SDK2: variants seen among roughly 807,000 people sequenced by gnomAD.
SDK2 encodes the protein protein sidekick-2.
A neutral mutation model predicts 253.9 loss-of-function variants in SDK2; 105 were observed. That is an observed-to-expected ratio of 0.41 (90% confidence interval 0.35 to 0.49). The LOEUF is 0.49. Ranked by LOEUF, SDK2 falls within the 20% of genes least tolerant of loss-of-function variation. SDK2 has a pLI of 0.06. For missense variants in SDK2, 2,608 were observed against 3,003.0 expected (o/e 0.87, Z 3.07); for synonymous variants, 1,249 against 1,234.9 (o/e 1.01, Z -0.24).
Position 73,401,050 on chromosome 17 carries a change from C to T in SDK2, c.2941G>A (p.Ala981Thr), listed in dbSNP as rs867814181. ...MTSKGQGQVSASTISSGVPPE... is the reference protein window; with the variant it reads ...MTSKGQGQVSTSTISSGVPPE... The stretch of plus-strand genomic sequence containing the variant: ...GGCACCCCAGAGGAGATGGTGGAGG[C>T]GGACACTTGGCCCTGGCCCTTTGAG... Residue 981 changes from alanine to threonine, a missense_variant, in exon 21 of 45, where the codon GCC becomes ACC. By Grantham distance (58) the Ala-to-Thr change is moderately conservative (BLOSUM62 0). Transcript: ENST00000392650. 30 of 1,577,828 alleles carry T rather than the reference C, an allele frequency of 1.9e-5. No individual in the cohort carries two copies. Among genetic ancestry groups the T allele is most frequent in the Middle Eastern group, 1.7e-4 (1 of 5,968 alleles).
intron 2 of SDK2, among the ~76,000 whole-genome samples, chr17:73,472,574 G>A (rs2063659951): frequency 6.6e-6 from 1 of 152,170 alleles, no homozygotes; most frequent in Admixed American, 6.5e-5. Flanking sequence ...AGAAAGGTGG[G>A]GGCATTTTTT....
chr17:73,349,397 G>A (rs1287829676), intron 43 of SDK2, among the ~76,000 whole-genome samples: 1 of 152,206 alleles, frequency 6.6e-6, no homozygotes, highest in Non-Finnish European at 1.5e-5. Flanking sequence ...CCTCCTGACT[G>A]CCGCCTCCAA....
intron 1 of SDK2, among the ~76,000 whole-genome samples, chr17:73,545,320 T>C (rs2044944149): frequency 1.3e-5 from 2 of 152,050 alleles, no homozygotes; most frequent in East Asian, 3.9e-4. Flanking sequence ...CCACCCCTAC[T>C]GTATGTGGTT....
intron 12 of SDK2, among the ~76,000 whole-genome samples, chr17:73,429,582 C>G (rs2145604545): frequency 6.6e-6 from 1 of 152,370 alleles, no homozygotes; most frequent in Admixed American, 6.5e-5. Flanking sequence ...CAGGACGCAG[C>G]TGCCTTCGGC....
chr17:73,610,840 C>CGT (rs143396100), intron 1 of SDK2, among the ~76,000 whole-genome samples: 339 of 148,748 alleles, frequency 2.3e-3, no homozygotes, highest in East Asian at 0.011. Flanking sequence ...TGTGCGTGTG[C>CGT]GTGTGTGTGT....
chr17:73,391,601 A>C (rs2062928926), intron 27 of SDK2, 63 bp from the exon 28 acceptor site: 1 of 915,464 alleles, frequency 1.1e-6, no homozygotes, highest in African/African-American at 1.7e-5. Flanking sequence ...GGATGAGCCC[A>C]GCTCGGGCAG....
intron 1 of SDK2, among the ~76,000 whole-genome samples, chr17:73,595,725 G>C (rs2045748141): frequency 6.6e-6 from 1 of 152,198 alleles, no homozygotes; most frequent in Admixed American, 6.5e-5. Flanking sequence ...GCAGTTTGGA[G>C]GGGGGCCTGG....
At chr17:73,582,826 C>G (rs1396964538) in intron 1 of SDK2, among the ~76,000 whole-genome samples, 1 of 152,230 alleles carries the variant, frequency 6.6e-6, no homozygotes, top group African/African-American at 2.4e-5. Flanking sequence ...CAGCATTGCA[C>G]TCTCACTTCT....
intron 15 of SDK2, among the ~76,000 whole-genome samples, chr17:73,421,408 TGATTTGTATCAC>T (rs2063228833): frequency 6.6e-6 from 1 of 152,174 alleles, no homozygotes; most frequent in Non-Finnish European, 1.5e-5. Flanking sequence ...TTTGCGCACG[TGATTTGTATCAC>T]GGTTGTTCTG....
intron 5 of SDK2, among the ~76,000 whole-genome samples, chr17:73,442,348 C>CTTT (rs11430500): frequency 6.8e-6 from 1 of 147,850 alleles, no homozygotes; most frequent in Non-Finnish European, 1.5e-5. Context: ...CTCATGCAGT[C>CTTT]TTTTTTTTTT....
intron 1 of SDK2, chr17:73,640,981 C>T (rs1391214509): frequency 6.6e-6 from 1 of 152,232 alleles, no homozygotes; most frequent in Non-Finnish European, 1.5e-5. Context: ...TAAAAGACTT[C>T]CAGGCTCACC....
At position 73,379,891 on chromosome 17, in the gene SDK2, A is replaced by AC. The variant is rs1432467448; in HGVS notation, c.4763-343dup. ...CCTGGGCATGCCTGGACATAGGGTC[A>AC]CCCCCTACCCCCAGCCTGTCCTCTT... On this transcript the variant is annotated intron_variant, in intron 34 of 44. Transcript: ENST00000392650. The surrounding 1 kb of genome is among the most constrained non-coding windows in gnomAD (Gnocchi z 4.5). Among the ~76,000 whole-genome samples the AC allele has an allele frequency of 6.6e-6, 1 of 151,538 alleles. No homozygotes were observed. Among genetic ancestry groups the AC allele is most frequent in the Non-Finnish European group, 1.5e-5 (1 of 67,886 alleles).
chr17:73,339,002 G>A lies in SDK2; in HGVS notation c.6166-62C>T, dbSNP rs368937053. ...CGTAGGGACAGGCCATTGTGGTTGG[G>A]GCCGGAAGGCACAGGGCATTCTGGT... On this transcript the variant is annotated intron_variant, in intron 44 of 44. Coordinates refer to ENST00000392650, the MANE Select transcript of SDK2 (RefSeq NM_001144952.2). The A allele has an allele frequency of 9.9e-4, 1,415 of 1,433,360 alleles. 10 individuals carry two copies. Among genetic ancestry groups the A allele is most frequent in the South Asian group, 9.4e-3 (814 of 86,582 alleles). The allele number at this position is 1,433,360 out of a possible 1,614,324, so 88.8% of individuals were successfully genotyped here. A position where few individuals can be genotyped will look rare whatever the true frequency, so the allele number is the denominator to read the frequency against.
chr17:73,592,157 G>T (rs1242381268), intron 1 of SDK2, among the ~76,000 whole-genome samples: 1 of 152,216 alleles, frequency 6.6e-6, no homozygotes, highest in Non-Finnish European at 1.5e-5. Context: ...TTGCACCACA[G>T]AAAAAGGAAG....
chr17:73,407,212 C>T (rs2063086360), intron 18 of SDK2, among the ~76,000 whole-genome samples: 1 of 152,132 alleles, frequency 6.6e-6, no homozygotes, highest in Non-Finnish European at 1.5e-5. Flanking sequence ...CAACAAGAGC[C>T]CCTTAAAGAA....
chr17:73,358,202 C>T lies in SDK2; in HGVS notation c.5470G>A (p.Ala1824Thr), dbSNP rs757365277. The change falls in exon 40 of 45, where the codon GCC (alanine) becomes ACC (threonine). Residue 1824 changes from alanine to threonine, a missense_variant and splice_region_variant. Ala to Thr is a moderately conservative substitution (Grantham distance 58). Transcript: ENST00000392650. Reference protein sequence around the residue: ...ANVTTGPGEGAPGPPGVPIIV... With the variant: ...ANVTTGPGEGTPGPPGVPIIV... ...ATGGGCACGCCAGGCGGTCCTGGGG[C>T]ACCTGCAGACAGCACACAGAGGCGA... The T allele has an allele frequency of 1.9e-6, 3 of 1,599,192 alleles. No homozygotes were observed. The highest frequency in any genetic ancestry group is 1.1e-5 in the South Asian group (1 of 88,616).
chr17:73,428,340 G>C (rs1417146641), intron 12 of SDK2, among the ~76,000 whole-genome samples: 1 of 152,098 alleles, frequency 6.6e-6, no homozygotes, highest in Non-Finnish European at 1.5e-5. Flanking sequence ...CTGGGATTAT[G>C]GGCGTGAGGC....
chr17:73,429,193 AC>A lies in SDK2; in HGVS notation c.1583+1317del, dbSNP rs1001619425. 1.8e-4 allele frequency among the ~76,000 whole-genome samples: 27 copies of A among 152,326 alleles called. 1 individual carries two copies. Among genetic ancestry groups the A allele is most frequent in the Admixed American group, 1.6e-3 (24 of 15,306 alleles). ...TGAATGCTAAAAGTATAGCTACTAC[AC>A]AATGAATGGGCCCGAGATACACAGC... On this transcript the variant is annotated intron_variant, in intron 12 of 44. Transcript: ENST00000392650.
chr17:73,608,914 C>T (rs1011129831), intron 1 of SDK2, among the ~76,000 whole-genome samples: 2 of 152,136 alleles, frequency 1.3e-5, no homozygotes, highest in African/African-American at 2.4e-5. Context: ...GGCACCGTGT[C>T]GCAGCGGAGA....
Sources: allele counts gnomAD v4.1 joint callset (sites outside exome capture counted in the v4.1 genomes callset), GRCh38; gene constraint gnomAD v4.1.1; non-coding constraint Gnocchi (gnomAD v3.1); transcripts MANE v1.5; gene names NCBI Gene and HGNC (gene_info 2026-07-23, HGNC 2026-07-21).